The following LY96 variants were observed in gnomAD, a reference collection of about 807,000 sequenced individuals.
The protein encoded by LY96 is myeloid differentiation protein-2.
A neutral mutation model predicts 18.9 loss-of-function variants in LY96; 18 were observed. The ratio of observed to expected loss-of-function variants is 0.95; its 90% confidence interval spans 0.66 to 1.41. The LOEUF (loss-of-function observed/expected upper bound fraction) is 1.41. Ranked by LOEUF, LY96 falls within the 40% of genes most tolerant of loss-of-function variation. The probability of loss-of-function intolerance (pLI) is 0.00; values close to 1 mark genes in which losing one functional copy is unlikely to be tolerated. For synonymous variants in LY96, 66 were observed against 62.6 expected (o/e 1.06, Z -0.26); for missense variants, 175 against 182.4 (o/e 0.96, Z 0.23).
the LY96 span, among the ~76,000 whole-genome samples, chr8:74,095,064 G>A: frequency 6.0e-4 from 91 of 152,162 alleles, 1 homozygote; most frequent in Non-Finnish European, 3.7e-4. Flanking sequence ...TTGTTCCAAA[G>A]GTGTGGCAGC....
chr8:74,069,686 T>C, the LY96 span, among the ~76,000 whole-genome samples: 1 of 152,306 alleles, frequency 6.6e-6, no homozygotes, highest in South Asian at 2.1e-4. Context: ...CACTGCAAAC[T>C]CCGCCTCCTG....
chr8:74,047,291 T>C, the LY96 span, among the ~76,000 whole-genome samples: 1 of 152,344 alleles, frequency 6.6e-6, no homozygotes, highest in Non-Finnish European at 1.5e-5. Flanking sequence ...TTCCTTAATA[T>C]GCTTTCTGGC....
chr8:74,044,827 G>T, the LY96 span, among the ~76,000 whole-genome samples: 4 of 152,176 alleles, frequency 2.6e-5, no homozygotes, highest in Non-Finnish European at 5.9e-5. Flanking sequence ...ATACATTTCA[G>T]CTGTCTTGTC....
At chr8:74,053,367 C>G in the LY96 span, among the ~76,000 whole-genome samples, 2 of 152,166 alleles carry the variant, frequency 1.3e-5, no homozygotes, top group Non-Finnish European at 2.9e-5. Context: ...AGTGACCTGT[C>G]TAAAATAAAA....
the LY96 span, among the ~76,000 whole-genome samples, chr8:74,076,484 C>G: frequency 2.6e-5 from 4 of 151,878 alleles, no homozygotes; most frequent in Non-Finnish European, 4.4e-5. Flanking sequence ...CCATCATACC[C>G]GGCTAATATT....
At chr8:74,093,162 G>A in the LY96 span, among the ~76,000 whole-genome samples, 1 of 152,114 alleles carries the variant, frequency 6.6e-6, no homozygotes, top group East Asian at 1.9e-4. Context: ...TTCTCATTCA[G>A]TGAACTCCTT....
intron 3 of LY96, among the ~76,000 whole-genome samples, chr8:74,024,196 C>T (rs768675225): frequency 5.3e-5 from 8 of 151,944 alleles, no homozygotes; most frequent in Non-Finnish European, 1.0e-4. Flanking sequence ...CCCCGGTCCT[C>T]ATGGAGATTA....
the LY96 span, among the ~76,000 whole-genome samples, chr8:74,038,401 G>A: frequency 1.3e-5 from 2 of 152,212 alleles, no homozygotes; most frequent in South Asian, 4.1e-4. Context: ...CATGAGTTCA[G>A]TTGTTTTAAT....
the LY96 span, among the ~76,000 whole-genome samples, chr8:74,082,434 C>T: frequency 2.6e-5 from 4 of 152,154 alleles, no homozygotes; most frequent in East Asian, 7.7e-4. Context: ...GGAGCCCTTG[C>T]CTACCAGTGC....
chr8:74,073,431 C>T, the LY96 span, among the ~76,000 whole-genome samples: 1 of 152,160 alleles, frequency 6.6e-6, no homozygotes, highest in African/African-American at 2.4e-5. Flanking sequence ...AGTTAGAAGT[C>T]TAAGCATTTT....
At chr8:74,004,742 A>T in intron 1 of LY96, 54 bp from the exon 2 acceptor site, 1 of 1,456,680 alleles carries the variant, frequency 6.9e-7, no homozygotes, top group Non-Finnish European at 9.6e-7. Context: ...AGAATACTAT[A>T]CTTAATGGAG....
At chr8:74,036,189 C>A in the LY96 span, among the ~76,000 whole-genome samples, 1 of 152,174 alleles carries the variant, frequency 6.6e-6, no homozygotes, top group Admixed American at 6.5e-5. Flanking sequence ...AATAGTCCTT[C>A]CCCAAAACAA....
At chr8:74,096,152 G>C in the LY96 span, among the ~76,000 whole-genome samples, 2 of 152,118 alleles carry the variant, frequency 1.3e-5, no homozygotes, top group African/African-American at 4.8e-5. Flanking sequence ...AACCACTTTG[G>C]TCTGATCCAC....
intron 1 of LY96, among the ~76,000 whole-genome samples, chr8:74,002,573 C>CTTTT (rs750666985): frequency 7.6e-6 from 1 of 131,424 alleles, no homozygotes; most frequent in Non-Finnish European, 1.7e-5. Context: ...TTATTTATTT[C>CTTTT]TTTTTTTTTT....
intron 1 of LY96, among the ~76,000 whole-genome samples, chr8:74,002,935 C>T (rs1816329777): frequency 6.6e-6 from 1 of 152,190 alleles, no homozygotes; most frequent in African/African-American, 2.4e-5. Flanking sequence ...TTGAAATTCT[C>T]ACTGCATTCA....
chr8:74,056,024 C>G, the LY96 span: 4 of 155,100 alleles, frequency 2.6e-5, no homozygotes, highest in Admixed American at 6.5e-5. Flanking sequence ...TGGTAGAACA[C>G]TAGTCCCAGG....
At chr8:74,045,045 C>T in the LY96 span, among the ~76,000 whole-genome samples, 1 of 152,228 alleles carries the variant, frequency 6.6e-6, no homozygotes, top group Non-Finnish European at 1.5e-5. Flanking sequence ...GGGTAGTGCC[C>T]AGGTGGGCAG....
At chr8:74,073,748 C>T in the LY96 span, among the ~76,000 whole-genome samples, 1 of 151,992 alleles carries the variant, frequency 6.6e-6, no homozygotes, top group Admixed American at 6.6e-5. Context: ...ACTGCAACTT[C>T]TGCCTCCTGG....
At chr8:74,025,726 A>G (rs1465670631) in intron 3 of LY96, among the ~76,000 whole-genome samples, 1 of 146,428 alleles carries the variant, frequency 6.8e-6, no homozygotes, top group Non-Finnish European at 1.5e-5. Flanking sequence ...AAGAAAAGAC[A>G]GCTGGGCGCA....
Sources: allele counts gnomAD v4.1 joint callset (sites outside exome capture counted in the v4.1 genomes callset), GRCh38; gene constraint gnomAD v4.1.1; transcripts MANE v1.5; gene names NCBI Gene and HGNC (gene_info 2026-07-23, HGNC 2026-07-21).